PTPN22: variants seen among roughly 807,000 people sequenced by gnomAD.
PTPN22 encodes protein tyrosine phosphatase non-receptor type 22.
PTPN22 carries 85 observed loss-of-function variants against 103.3 expected under a neutral mutation model. The observed-to-expected ratio is 0.82, with a 90% CI of 0.69 to 0.99. The LOEUF (loss-of-function observed/expected upper bound fraction) is 0.99. PTPN22 is among the 50% of genes least tolerant of loss of function. PTPN22 has a pLI of 0.00. For synonymous variants in PTPN22, 323 were observed against 310.2 expected (o/e 1.04, Z -0.43); for missense variants, 865 against 936.9 (o/e 0.92, Z 1.00).
At chr1:113,845,438 T>G (rs1221632455) in intron 11 of PTPN22, among the ~76,000 whole-genome samples, 1 of 151,956 alleles carries the variant, frequency 6.6e-6, no homozygotes, top group Non-Finnish European at 1.5e-5. Context: ...CCTGACCTCA[T>G]GTGATCCGTC....
chr1:113,839,605 T>C (rs1235566539), intron 11 of PTPN22, among the ~76,000 whole-genome samples: 2 of 152,138 alleles, frequency 1.3e-5, no homozygotes, highest in Non-Finnish European at 2.9e-5. Flanking sequence ...AAAATATATC[T>C]TCATTTCAGA....
At chr1:113,838,785 G>A (rs756531785) in intron 11 of PTPN22, among the ~76,000 whole-genome samples, 165 bp from the exon 12 acceptor site, 14 of 152,146 alleles carry the variant, frequency 9.2e-5, no homozygotes, top group African/African-American at 2.7e-4. Flanking sequence ...GCAAGAACTC[G>A]TTCATATACT....
chr1:113,841,315 A>C (rs1294873634), intron 11 of PTPN22, among the ~76,000 whole-genome samples: 2 of 152,188 alleles, frequency 1.3e-5, no homozygotes, highest in African/African-American at 2.4e-5. Flanking sequence ...CCTAAACATA[A>C]GAAGTAAAAT....
rs1024516260 is a variant in PTPN22, at chr1:113,814,690, CTT to C, written c.*213_*214del. The C allele has an allele frequency of 9.7e-6, 5 of 514,036 alleles. No individual in the cohort carries two copies. In the East Asian group the frequency reaches 1.0e-4, roughly 11 times the overall value. The allele number at this position is 514,036 out of a possible 1,614,324, so 31.8% of individuals were successfully genotyped here. On this transcript the variant is annotated 3_prime_UTR_variant, in exon 21 of 21. Transcript: ENST00000359785. Reference sequence around the variant, plus strand: ...TCTGTACATAAGCTCAAGTGACAAACTTTTATTTGCAGTTTTCAACTCAATGC... The same window carrying C: ...TCTGTACATAAGCTCAAGTGACAAACTTATTTGCAGTTTTCAACTCAATGC...
At chr1:113,857,878 C>T in intron 4 of PTPN22, 102 bp from the exon 5 acceptor site, 1 of 1,109,472 alleles carries the variant, frequency 9.0e-7, no homozygotes, top group Non-Finnish European at 1.3e-6. Context: ...GTTCTTTTTT[C>T]TGTTTTGTCG....
chr1:113,859,663 T>A (rs1665399401), intron 1 of PTPN22, among the ~76,000 whole-genome samples: 1 of 152,196 alleles, frequency 6.6e-6, no homozygotes, highest in Non-Finnish European at 1.5e-5. Context: ...AAGATCACAC[T>A]TACTGCAGCT....
Position 113,841,211 on chromosome 1 carries a change from C to T in PTPN22, c.916-2591G>A, listed in dbSNP as rs150304193. 1.1e-3 allele frequency among the ~76,000 whole-genome samples: 172 copies of T among 149,568 alleles called. 1 individual carries two copies. Among genetic ancestry groups the T allele is most frequent in the African/African-American group, 4.1e-3 (165 of 40,642 alleles). On this transcript the variant is annotated intron_variant, in intron 11 of 20. Coordinates refer to ENST00000359785, the Ensembl canonical transcript of PTPN22. ...TGCACTCCACCCTGGGCAGCAAGAACGAAACTCCATCTCAAAGGAAAAAAA... is the reference window on the plus strand; with the variant it reads ...TGCACTCCACCCTGGGCAGCAAGAATGAAACTCCATCTCAAAGGAAAAAAA...
At position 113,817,677 on chromosome 1, in the gene PTPN22, C is replaced by T. The variant is rs534597141; in HGVS notation, c.2359+1900G>A. ...GCTTAGGCTGGTCTCAAACTTCTGG[C>T]CCCAAGTAATCCTCCCTCCTCAGCC... On this transcript the variant is annotated intron_variant, in intron 20 of 20. Transcript: ENST00000359785. Among the ~76,000 whole-genome samples, 3 of 152,128 alleles carry T rather than the reference C, an allele frequency of 2.0e-5. No individual in the cohort carries two copies. In the South Asian group the frequency reaches 6.2e-4, roughly 32 times the overall value.
intron 3 of PTPN22, 29 bp from the exon 4 acceptor site, chr1:113,858,602 G>T: frequency 7.3e-7 from 1 of 1,362,848 alleles, no homozygotes; most frequent in Non-Finnish European, 1.0e-6. Context: ...TACACGGGGT[G>T]ACTACAAATA....
At chr1:113,826,872 T>C (rs1662123634) in intron 18 of PTPN22, among the ~76,000 whole-genome samples, 1 of 151,298 alleles carries the variant, frequency 6.6e-6, no homozygotes, top group Non-Finnish European at 1.5e-5. Flanking sequence ...GGTTTCACCG[T>C]TTTAGCCGGG....
At chr1:113,843,497 A>C (rs921966584) in intron 11 of PTPN22, among the ~76,000 whole-genome samples, 4 of 152,218 alleles carry the variant, frequency 2.6e-5, no homozygotes, top group Admixed American at 2.6e-4. Flanking sequence ...TCATAGAGAC[A>C]GAAAGTAGAA....
intron 9 of PTPN22, among the ~76,000 whole-genome samples, chr1:113,853,848 ATTTTTTTTTGCT>A (rs1664798940): frequency 9.0e-6 from 1 of 111,378 alleles, no homozygotes; most frequent in African/African-American, 3.7e-5. Context: ...TGCCTGGCTA[ATTTTTTTTTGCT>A]TTTTTTTTTT....
chr1:113,831,301 T>A (rs1403752223), intron 16 of PTPN22, among the ~76,000 whole-genome samples: 3 of 152,150 alleles, frequency 2.0e-5, no homozygotes, highest in Non-Finnish European at 4.4e-5. Flanking sequence ...TTTAGCACAT[T>A]CACAGTATTG....
chr1:113,865,306 T>C (rs1666028582), intron 1 of PTPN22, among the ~76,000 whole-genome samples: 1 of 152,212 alleles, frequency 6.6e-6, no homozygotes, highest in South Asian at 2.1e-4. Context: ...TATTTTATGC[T>C]AGTTATATCA....
At chr1:113,833,969 C>G (rs1471359538) in intron 15 of PTPN22, among the ~76,000 whole-genome samples, 2 of 152,176 alleles carry the variant, frequency 1.3e-5, no homozygotes, top group African/African-American at 2.4e-5. Context: ...CAAATGTTTC[C>G]TCTTTCACTA....
chr1:113,858,643 C>CTTTTT, intron 3 of PTPN22, 70 bp from the exon 4 acceptor site: 10 of 700,324 alleles, frequency 1.4e-5, no homozygotes, highest in South Asian at 4.4e-5. Context: ...CCTCCGCTTC[C>CTTTTT]TTTTTTTTTT....
chr1:113,829,899 T>C (rs752686841), intron 17 of PTPN22, 50 bp downstream of exon 17: 10 of 1,489,896 alleles, frequency 6.7e-6, no homozygotes, highest in South Asian at 1.1e-5. Context: ...TGTTAATCTT[T>C]TAACATTTTC....
At chr1:113,870,789 T>C (rs1302375965) in intron 1 of PTPN22, among the ~76,000 whole-genome samples, 1 of 152,138 alleles carries the variant, frequency 6.6e-6, no homozygotes, top group African/African-American at 2.4e-5. Context: ...GGAGGCAAGA[T>C]GGGAGGATTG....
chr1:113,857,917 G>C, intron 4 of PTPN22, 141 bp from the exon 5 acceptor site: 1 of 670,160 alleles, frequency 1.5e-6, no homozygotes, highest in Non-Finnish European at 2.5e-6. Context: ...ATAAATCCTG[G>C]TGACTTATAA....
Sources: gnomAD v4.1 joint callset for allele counts (sites outside exome capture counted in the v4.1 genomes callset) on GRCh38, gnomAD v4.1.1 for gene constraint, MANE v1.5 for transcripts, NCBI Gene and HGNC (gene_info 2026-07-23, HGNC 2026-07-21) for gene names.